The following NTNG1 variants were observed in gnomAD, a reference collection of about 807,000 sequenced individuals.
The protein encoded by NTNG1 is netrin-G1.
Under a neutral mutation model 54.0 loss-of-function variants are expected in NTNG1, and 16 were observed. That is an observed-to-expected ratio of 0.30 (90% CI 0.20 to 0.45). The LOEUF (loss-of-function observed/expected upper bound fraction) is 0.45, where lower values mean the gene tolerates loss of function less well. Ranked by LOEUF, NTNG1 falls within the 20% of genes least tolerant of loss-of-function variation. NTNG1 has a pLI of 1.00. For missense variants in NTNG1, 530 were observed against 678.7 expected, an observed-to-expected ratio of 0.78 and a Z score of 2.43; for synonymous variants, 255 against 263.1, an observed-to-expected ratio of 0.97 and a Z score of 0.30.
chr1:107,223,067 T>C (rs1476536228), intron 2 of NTNG1, among the ~76,000 whole-genome samples: 1 of 152,108 alleles, frequency 6.6e-6, no homozygotes, highest in African/African-American at 2.4e-5. Flanking sequence ...TTCTGGGTTT[T>C]ATCTCTATAG....
intron 2 of NTNG1, among the ~76,000 whole-genome samples, chr1:107,271,004 G>A (rs1281862102): frequency 6.6e-6 from 1 of 151,948 alleles, no homozygotes; most frequent in Non-Finnish European, 1.5e-5. Context: ...GCAACAGAAA[G>A]TGTTCTACAT....
chr1:107,450,457 A>G (rs1676556153), intron 7 of NTNG1, among the ~76,000 whole-genome samples: 1 of 152,152 alleles, frequency 6.6e-6, no homozygotes, highest in Non-Finnish European at 1.5e-5. Context: ...AAAACTATAA[A>G]TGATGGTACC....
intron 2 of NTNG1, among the ~76,000 whole-genome samples, chr1:107,170,812 A>C (rs1391231163): frequency 6.6e-6 from 1 of 152,166 alleles, no homozygotes; most frequent in Non-Finnish European, 1.5e-5. Context: ...CTGACTCCAT[A>C]ATCAAATATA....
Position 107,209,430 on chromosome 1 carries a change from A to G in NTNG1, c.246+60591A>G, listed in dbSNP as rs571082862. On this transcript the variant is annotated intron_variant, in intron 2 of 7. Coordinates refer to ENST00000370068, the MANE Select transcript of NTNG1 (RefSeq NM_001113226.3). Reference sequence around the variant, plus strand: ...GCGACTTAAGACAGTCGTATGAAAAAGGGGTGAAAGGAGCACCTATGGGAG... The same window carrying G: ...GCGACTTAAGACAGTCGTATGAAAAGGGGGTGAAAGGAGCACCTATGGGAG... 3.3e-4 allele frequency among the ~76,000 whole-genome samples: 50 copies of G among 152,272 alleles called. No homozygotes were observed. The East Asian group carries it at 8.5e-3, about 26-fold the overall frequency.
chr1:107,460,722 C>A (rs905092163), intron 7 of NTNG1, among the ~76,000 whole-genome samples: 5 of 152,176 alleles, frequency 3.3e-5, no homozygotes, highest in Admixed American at 6.5e-5. Context: ...GTCCATCCAT[C>A]ATGAGGAATG....
At chr1:107,212,909 G>T (rs2101394693) in intron 2 of NTNG1, among the ~76,000 whole-genome samples, 1 of 152,026 alleles carries the variant, frequency 6.6e-6, no homozygotes, top group African/African-American at 2.4e-5. Flanking sequence ...GGAGAAAGGT[G>T]ACCATTCAGA....
intron 6 of NTNG1, among the ~76,000 whole-genome samples, chr1:107,431,814 A>T (rs1675284767): frequency 6.6e-6 from 1 of 152,242 alleles, no homozygotes; most frequent in South Asian, 2.1e-4. Context: ...GTAGGTAGCT[A>T]TATAGGCACC....
intron 7 of NTNG1, among the ~76,000 whole-genome samples, chr1:107,451,573 C>T (rs1333858844): frequency 6.6e-6 from 1 of 152,118 alleles, no homozygotes; most frequent in African/African-American, 2.4e-5. Context: ...GTGCTGTCCT[C>T]CTACACACTA....
chr1:107,216,481 A>T (rs1164909030), intron 2 of NTNG1, among the ~76,000 whole-genome samples: 1 of 152,162 alleles, frequency 6.6e-6, no homozygotes, highest in Non-Finnish European at 1.5e-5. Context: ...CCATCCTTGC[A>T]TCTCTGGAAT....
In NTNG1 at chr1:107,166,590, A is replaced by G. The variant is rs1655814044; in HGVS notation, c.246+17751A>G. Among the ~76,000 whole-genome samples, 4 of 152,188 alleles carry G rather than the reference A, an allele frequency of 2.6e-5. No individual in the cohort carries two copies. The South Asian group carries it at 8.3e-4, about 31-fold the overall frequency. ...AGTGATCACAAATCATAAGTACTTA[A>G]CAGATAATATAAAGATCCAATTCAA... On this transcript the variant is annotated intron_variant, in intron 2 of 7. Coordinates refer to ENST00000370068, the MANE Select transcript of NTNG1 (RefSeq NM_001113226.3).
intron 2 of NTNG1, among the ~76,000 whole-genome samples, chr1:107,240,248 T>A (rs970780362): frequency 6.6e-5 from 10 of 152,168 alleles, no homozygotes; most frequent in Non-Finnish European, 1.5e-4. Context: ...TTTAGGGATG[T>A]TTATCCCTTT....
intron 2 of NTNG1, among the ~76,000 whole-genome samples, chr1:107,186,123 C>A (rs1016921107): frequency 6.6e-6 from 1 of 151,990 alleles, no homozygotes; most frequent in Admixed American, 6.6e-5. Flanking sequence ...GGTGTTTGAC[C>A]TTCTGTTTTT....
At chr1:107,168,127 C>T (rs1373803171) in intron 2 of NTNG1, among the ~76,000 whole-genome samples, 4 of 151,962 alleles carry the variant, frequency 2.6e-5, no homozygotes, top group Non-Finnish European at 5.9e-5. Flanking sequence ...CTGAAATGAA[C>T]AAGACAATAA....
chr1:107,440,946 G>T (rs1675925268), intron 7 of NTNG1, among the ~76,000 whole-genome samples: 1 of 151,988 alleles, frequency 6.6e-6, no homozygotes, highest in Non-Finnish European at 1.5e-5. Flanking sequence ...ACCTAGGAAA[G>T]AAAACAGAAA....
At chr1:107,162,677 C>A (rs1655496261) in intron 2 of NTNG1, among the ~76,000 whole-genome samples, 1 of 152,090 alleles carries the variant, frequency 6.6e-6, no homozygotes, top group African/African-American at 2.4e-5. Flanking sequence ...TTAAGAGTGG[C>A]ACCTTACATC....
intron 7 of NTNG1, among the ~76,000 whole-genome samples, chr1:107,476,327 C>A (rs1678322139): frequency 6.6e-6 from 1 of 152,244 alleles, no homozygotes; most frequent in Middle Eastern, 3.4e-3. Context: ...AGGATGAAGT[C>A]TTCTACTCTT....
chr1:107,171,930 A>AT (rs1656276120), intron 2 of NTNG1, among the ~76,000 whole-genome samples: 1 of 150,466 alleles, frequency 6.6e-6, no homozygotes, highest in Non-Finnish European at 1.5e-5. Flanking sequence ...TTTATTTTTT[A>AT]TTTTTATTTT....
chr1:107,154,930 C>G (rs1654871180), intron 2 of NTNG1, among the ~76,000 whole-genome samples: 1 of 152,004 alleles, frequency 6.6e-6, no homozygotes, highest in South Asian at 2.1e-4. Context: ...AGAGATGCAA[C>G]ATTTTTAAAG....
At chr1:107,371,962 C>T (rs921854310) in intron 3 of NTNG1, among the ~76,000 whole-genome samples, 8 of 152,112 alleles carry the variant, frequency 5.3e-5, no homozygotes, top group African/African-American at 1.7e-4. Flanking sequence ...AGTGTCCTGT[C>T]AGCCCTCAAA....
Sources: allele counts gnomAD v4.1 joint callset (sites outside exome capture counted in the v4.1 genomes callset), GRCh38; gene constraint gnomAD v4.1.1; transcripts MANE v1.5; gene names NCBI Gene and HGNC (gene_info 2026-07-23, HGNC 2026-07-21).